The following MCM10 variants were observed in gnomAD, a reference collection of about 807,000 sequenced individuals.
MCM10 encodes the protein minichromosome maintenance 10 replication initiation factor.
Under a neutral mutation model 109.9 loss-of-function variants are expected in MCM10, and 91 were observed. The observed-to-expected ratio is 0.83, with a 90% CI of 0.70 to 0.99. The LOEUF (loss-of-function observed/expected upper bound fraction) is 0.99. MCM10 is among the 50% of genes least tolerant of loss of function. The probability of loss-of-function intolerance (pLI) is 0.00; values close to 1 mark genes in which losing one functional copy is unlikely to be tolerated. For synonymous variants in MCM10, 380 were observed against 387.2 expected, an observed-to-expected ratio of 0.98 and a Z score of 0.22; for missense variants, 1,077 against 1,061.2, an observed-to-expected ratio of 1.01 and a Z score of -0.21.
chr10:13,165,324 G>T (rs1044288397), intron 2 of MCM10, among the ~76,000 whole-genome samples: 3 of 152,192 alleles, frequency 2.0e-5, no homozygotes, highest in African/African-American at 7.2e-5. Context: ...CTCAACCACA[G>T]TGACCATGGA....
chr10:13,209,688 C>T lies in MCM10; in HGVS notation c.*378C>T, dbSNP rs1241195952. 1 of 182,638 alleles carries T rather than the reference C, an allele frequency of 5.5e-6. No individual in the cohort carries two copies. Among genetic ancestry groups the T allele is most frequent in the Non-Finnish European group, 1.1e-5 (1 of 87,740 alleles). The allele number at this position is 182,638 out of a possible 1,614,324, so 11.3% of individuals were successfully genotyped here. A position where few individuals can be genotyped will look rare whatever the true frequency, so the allele number is the denominator to read the frequency against. ...TAGTGTTTATACGAACACCCAGAGG[C>T]AAAAGAATTTGGCTTAATTCTCACT... On this transcript the variant is annotated 3_prime_UTR_variant, in exon 20 of 20. Coordinates refer to ENST00000378714, the MANE Select transcript of MCM10 (RefSeq NM_018518.5).
At position 13,175,631 on chromosome 10, in the gene MCM10, G is replaced by A; in HGVS notation, c.714G>A (p.Gly238=). 1 of 1,613,534 alleles carries A rather than the reference G, an allele frequency of 6.2e-7. No homozygotes were observed. The highest frequency in any genetic ancestry group is 1.1e-5 in the South Asian group (1 of 91,038). Residue 238 remains glycine (G), a synonymous_variant, in exon 6 of 20, where the codon GGG becomes GGA. Transcript: ENST00000378714. The part of the protein sequence containing the change: ...GQIVGTPGSS[G]ETTQPICVEA... ...TTGTGGGGACCCCAGGAAGTTCTGG[G>A]GAAACGACTCAACCCATCTGTGTGG...
At position 13,201,495 on chromosome 10, in the gene MCM10, C is replaced by T. The variant is rs766608085; in HGVS notation, c.2313C>T (p.Asn771=). 6 of 1,612,662 alleles carry T rather than the reference C, an allele frequency of 3.7e-6. No individual in the cohort carries two copies. The South Asian group carries it at 5.5e-5, about 15-fold the overall frequency. The part of the protein sequence containing the change: ...KKEQMEEKMR[N]IREVKCRVVT... Reference sequence around the variant, plus strand: ...AACAAATGGAAGAAAAGATGAGAAACATCAGAGAAGTGAAGTGCCGTGTCG... The same window carrying T: ...AACAAATGGAAGAAAAGATGAGAAATATCAGAGAAGTGAAGTGCCGTGTCG... Residue 771 remains asparagine (N), a synonymous_variant, in exon 17 of 20, where the codon AAC becomes AAT. Coordinates refer to ENST00000378714, the MANE Select transcript of MCM10 (RefSeq NM_018518.5).
In MCM10 at chr10:13,204,347, C is replaced by T; in HGVS notation, c.2481C>T (p.Leu827=). The T allele has an allele frequency of 6.2e-7, 1 of 1,614,192 alleles. No homozygotes were observed. Among genetic ancestry groups the T allele is most frequent in the Non-Finnish European group, 8.5e-7 (1 of 1,180,044 alleles). ...ACAGAAGCATCTCCTTGGACAGACTCCCGAACAAGCACTGCAGGTATGAGA... is the reference window on the plus strand; with the variant it reads ...ACAGAAGCATCTCCTTGGACAGACTTCCGAACAAGCACTGCAGGTATGAGA... ...CGNRSISLDR[L]PNKHCSNCGL... The change falls in exon 18 of 20, where the codon CTC becomes CTT. Residue 827 remains leucine (L), a synonymous_variant. Transcript: ENST00000378714.
In MCM10 at chr10:13,182,885, C is replaced by T. The variant is rs375395126; in HGVS notation, c.931-48C>T. ...AAAACTCTTGAATCATAAATGAGGA[C>T]GGCATAACCTACAGTTCAAAATTAT... On this transcript the variant is annotated intron_variant, in intron 7 of 19. Transcript: ENST00000378714. The surrounding 1 kb of genome is among the most constrained non-coding windows in gnomAD (Gnocchi z 4.2). 75 of 1,436,046 alleles carry T rather than the reference C, an allele frequency of 5.2e-5. No individual in the cohort carries two copies. Among genetic ancestry groups the T allele is most frequent in the Non-Finnish European group, 6.5e-5 (67 of 1,037,836 alleles). 89.0% of individuals were successfully genotyped at this position (1,436,046 alleles called of 1,614,324 possible). A position where few individuals can be genotyped will look rare whatever the true frequency, so the allele number is the denominator to read the frequency against.
intron 2 of MCM10, among the ~76,000 whole-genome samples, chr10:13,166,365 G>A (rs1353773682): frequency 6.6e-6 from 1 of 152,112 alleles, no homozygotes; most frequent in Non-Finnish European, 1.5e-5. Flanking sequence ...GCTGGGCGCT[G>A]TGGCTCACGC....
At chr10:13,189,939 T>C (rs113070963) in intron 10 of MCM10, among the ~76,000 whole-genome samples, 11,735 of 151,932 alleles carry the variant, frequency 0.077, 588 homozygotes, top group Non-Finnish European at 0.11. Context: ...GGACTACACA[T>C]AAAATATATT....
chr10:13,199,132 G>C (rs570695802), intron 16 of MCM10, among the ~76,000 whole-genome samples: 74 of 152,334 alleles, frequency 4.9e-4, no homozygotes, highest in Non-Finnish European at 7.3e-4. Flanking sequence ...CTGACCTCAA[G>C]TGATCCTCCA....
At position 13,209,584 on chromosome 10, in the gene MCM10, A is replaced by G; in HGVS notation, c.*274A>G. The stretch of plus-strand genomic sequence containing the variant: ...TTCATTCACTGAAGTTTTTGCCCAA[A>G]AATTGGAAGGTAAACAGAGAGCTAT... On this transcript the variant is annotated 3_prime_UTR_variant, in exon 20 of 20. Transcript: ENST00000378714. The G allele has an allele frequency of 2.1e-6, 1 of 487,776 alleles. No individual in the cohort carries two copies. The highest frequency in any genetic ancestry group is 3.6e-5 in the East Asian group (1 of 27,414). 30.2% of individuals were successfully genotyped at this position (487,776 alleles called of 1,614,324 possible). A position where few individuals can be genotyped will look rare whatever the true frequency, so the allele number is the denominator to read the frequency against.
chr10:13,178,456 A>G (rs112560776), intron 6 of MCM10, among the ~76,000 whole-genome samples: 3 of 152,190 alleles, frequency 2.0e-5, no homozygotes, highest in Non-Finnish European at 4.4e-5. Flanking sequence ...ATTCTCCTGC[A>G]TATGGATATC....
At chr10:13,198,297 ATATT>A (rs1350029909) in intron 15 of MCM10, among the ~76,000 whole-genome samples, 3 of 152,310 alleles carry the variant, frequency 2.0e-5, no homozygotes, top group Non-Finnish European at 4.4e-5. Context: ...GTACATATAT[ATATT>A]AGCATAAAGA....
In MCM10 at chr10:13,186,254, G is replaced by A. The variant is rs1404688436; in HGVS notation, c.1189G>A (p.Glu397Lys). Reference sequence around the variant, plus strand: ...CTGTAAAGCCAAGAAGAAGAATGGAGAGCCGTGCACGCAGACTGTGAATTT... The same window carrying A: ...CTGTAAAGCCAAGAAGAAGAATGGAAAGCCGTGCACGCAGACTGTGAATTT... ...GTCKAKKKNG[E>K]PCTQTVNLRD... The change falls in exon 9 of 20, where the codon GAG becomes AAG. Residue 397 changes from glutamate (E) to lysine (K), a missense_variant. By Grantham distance (56) the Glu-to-Lys change is moderately conservative (BLOSUM62 1). Coordinates refer to ENST00000378714, the MANE Select transcript of MCM10 (RefSeq NM_018518.5). 1 of 1,612,358 alleles carries A rather than the reference G, an allele frequency of 6.2e-7. No individual in the cohort carries two copies. Among genetic ancestry groups the A allele is most frequent in the Admixed American group, 1.7e-5 (1 of 59,976 alleles).
intron 17 of MCM10, among the ~76,000 whole-genome samples, chr10:13,203,065 G>A (rs1156763190): frequency 6.6e-6 from 1 of 151,960 alleles, no homozygotes; most frequent in Admixed American, 6.6e-5. Context: ...TGCTGGTCTG[G>A]AACTCCTGAC....
chr10:13,209,099 G>C lies in MCM10; in HGVS notation c.2507G>C (p.Gly836Ala). 1 of 1,612,696 alleles carries C rather than the reference G, an allele frequency of 6.2e-7. No individual in the cohort carries two copies. Among genetic ancestry groups the C allele is most frequent in the Non-Finnish European group, 8.5e-7 (1 of 1,178,696 alleles). Residue 836 changes from glycine to alanine, a missense_variant, in exon 19 of 20, where the codon GGC becomes GCC. Transcript: ENST00000378714. ...RLPNKHCSNC[G>A]LYKWERDGML... ...CATCTGTTCTGTTTCAGTAACTGTG[G>C]CCTCTACAAATGGGAACGGGACGGA...
At position 13,195,085 on chromosome 10, in the gene MCM10, C is replaced by T; in HGVS notation, c.1790C>T (p.Ser597Phe). 6.2e-7 allele frequency: 1 copy of T among 1,614,168 alleles called. No individual in the cohort carries two copies. ...SSEVESPAVP[S>F]SSRQPPAQPP... ...GAAGTTGAGAGCCCAGCTGTGCCAT[C>T]TTCATCAAGACAGCCCCCTGCTCAG... The change falls in exon 14 of 20, where the codon TCT (serine) becomes TTT (phenylalanine). Residue 597 changes from serine (S) to phenylalanine (F), a missense_variant. Coordinates refer to ENST00000378714, the MANE Select transcript of MCM10 (RefSeq NM_018518.5).
At chr10:13,176,444 C>G (rs1834142547) in intron 6 of MCM10, among the ~76,000 whole-genome samples, 1 of 152,172 alleles carries the variant, frequency 6.6e-6, no homozygotes, top group Non-Finnish European at 1.5e-5. Flanking sequence ...TACTGTGAGA[C>G]TGGATTGCTT....
In MCM10 at chr10:13,170,991, C is replaced by T; in HGVS notation, c.77C>T (p.Ser26Leu). Reference protein sequence around the residue: ...EENESALDCNSEENNFLTREN... With the variant: ...EENESALDCNLEENNFLTREN... ...AATGAGTCAGCCTTGGATTGTAATT[C>T]AGAAGAAAATAACTTCTTGACGCGG... The change falls in exon 3 of 20, where the codon TCA becomes TTA. Residue 26 changes from serine (S) to leucine (L), a missense_variant. Coordinates refer to ENST00000378714, the MANE Select transcript of MCM10 (RefSeq NM_018518.5). 1.2e-6 allele frequency: 2 copies of T among 1,614,220 alleles called. No individual in the cohort carries two copies. Among genetic ancestry groups the T allele is most frequent in the Non-Finnish European group, 1.7e-6 (2 of 1,180,054 alleles).
intron 1 of MCM10, among the ~76,000 whole-genome samples, chr10:13,161,911 CAT>C (rs1833932171): frequency 7.7e-6 from 1 of 129,240 alleles, no homozygotes; most frequent in Non-Finnish European, 1.7e-5. Flanking sequence ...TTCATTCATT[CAT>C]TCATTGGTTT....
intron 10 of MCM10, among the ~76,000 whole-genome samples, chr10:13,189,831 C>T (rs1342073852): frequency 6.6e-6 from 1 of 152,128 alleles, no homozygotes; most frequent in Non-Finnish European, 1.5e-5. Flanking sequence ...ATCCATGGCC[C>T]CTTGCCTGGG....
Sources: gnomAD v4.1 joint callset for allele counts (sites outside exome capture counted in the v4.1 genomes callset) on GRCh38, gnomAD v4.1.1 for gene constraint, Gnocchi (gnomAD v3.1) non-coding constraint, MANE v1.5 for transcripts, NCBI Gene and HGNC (gene_info 2026-07-23, HGNC 2026-07-21) for gene names.